The following DNAJC10 variants were observed in gnomAD, a reference collection of about 807,000 sequenced individuals.
DNAJC10 encodes DnaJ heat shock protein family (Hsp40) member C10, also known as endoplasmic reticulum disulfide reductase DNAJC10.
A neutral mutation model predicts 115.0 loss-of-function variants in DNAJC10; 101 were observed. That is an observed-to-expected ratio of 0.88 (90% confidence interval 0.75 to 1.04). DNAJC10 has a LOEUF of 1.04. Among genes scored for constraint, DNAJC10 ranks in the 50% least tolerant of loss-of-function variants. The pLI, the probability that DNAJC10 is intolerant of heterozygous loss-of-function variation, is 0.00. For missense variants in DNAJC10, 981 were observed against 928.8 expected (o/e 1.06, Z -0.73); for synonymous variants, 307 against 301.5 (o/e 1.02, Z -0.19).
chr2:182,750,462 A>T (rs573027295), intron 14 of DNAJC10, among the ~76,000 whole-genome samples: 1 of 152,320 alleles, frequency 6.6e-6, no homozygotes, highest in African/African-American at 2.4e-5. Context: ...TTGCCAAGAT[A>T]AGGTTGGTGA....
chr2:182,762,458 G>A (rs968267535), intron 21 of DNAJC10, among the ~76,000 whole-genome samples: 1 of 152,132 alleles, frequency 6.6e-6, no homozygotes, highest in Non-Finnish European at 1.5e-5. Flanking sequence ...AAGCTGCTCA[G>A]TTTTCTTGAT....
At chr2:182,748,085 T>G (rs1307908227) in intron 14 of DNAJC10, among the ~76,000 whole-genome samples, 2 of 146,164 alleles carry the variant, frequency 1.4e-5, no homozygotes, top group African/African-American at 2.6e-5. Context: ...GAAGCCCACT[T>G]GATCATGGTG....
intron 22 of DNAJC10, among the ~76,000 whole-genome samples, chr2:182,767,714 A>G (rs186390451): frequency 1.5e-3 from 221 of 152,296 alleles, no homozygotes; most frequent in Non-Finnish European, 2.3e-3. Context: ...CCCCAGCATC[A>G]TCCGTCCACC....
rs759336078 is a variant in DNAJC10 at position 182,731,110 on chromosome 2, A to G, written c.805+3A>G. 6 of 1,605,562 alleles carry G rather than the reference A, an allele frequency of 3.7e-6. No homozygotes were observed. The Admixed American group carries it at 8.5e-5, about 23-fold the overall frequency. ...CACTTTTTGTTCAAAAGGAGGAGGTAATACTATTTTTTAATTTTGTTGGAA... is the reference window on the plus strand; with the variant it reads ...CACTTTTTGTTCAAAAGGAGGAGGTGATACTATTTTTTAATTTTGTTGGAA... On this transcript the variant is annotated splice_donor_region_variant and intron_variant, in intron 9 of 23. Coordinates refer to ENST00000264065, the MANE Select transcript of DNAJC10 (RefSeq NM_018981.4).
rs1183117386 is a variant in DNAJC10 at position 182,736,313 on chromosome 2, A to C, written c.914A>C (p.Asp305Ala). The C allele has an allele frequency of 1.9e-6, 3 of 1,596,528 alleles. No individual in the cohort carries two copies. The highest frequency in any genetic ancestry group is 2.3e-5 in the East Asian group (1 of 43,332). ...CAGGATAACCTTTGTAAAAGCTTAGATATTACAACAAGTACTACTGCTTAT... is the reference window on the plus strand; with the variant it reads ...CAGGATAACCTTTGTAAAAGCTTAGCTATTACAACAAGTACTACTGCTTAT... The part of the protein sequence containing the change: ...ATQDNLCKSL[D>A]ITTSTTAYFP... Residue 305 changes from aspartate (D) to alanine (A), a missense_variant, in exon 11 of 24, where the codon GAT becomes GCT. Asp to Ala is a moderately radical substitution (Grantham distance 126). Transcript: ENST00000264065.
Position 182,779,396 on chromosome 2 carries a change from G to T in DNAJC10, c.*2264G>T, listed in dbSNP as rs1020593344. On this transcript the variant is annotated 3_prime_UTR_variant, in exon 24 of 24. Coordinates refer to ENST00000264065, the MANE Select transcript of DNAJC10 (RefSeq NM_018981.4). ...CTCTAACATGGTATCAATTCTAGCTGACCAAAGCACATTCTATCAGGCAGC... is the reference window on the plus strand; with the variant it reads ...CTCTAACATGGTATCAATTCTAGCTTACCAAAGCACATTCTATCAGGCAGC... 2 of 152,140 alleles carry T rather than the reference G, an allele frequency of 1.3e-5. No homozygotes were observed. The highest frequency in any genetic ancestry group is 4.8e-5 in the African/African-American group (2 of 41,440). 9.4% of individuals were successfully genotyped at this position (152,140 alleles called of 1,614,324 possible).
Position 182,794,291 on chromosome 2 carries a change from AATAG to A in DNAJC10, c.*17162_*17165del, listed in dbSNP as rs2105734418. On this transcript the variant is annotated 3_prime_UTR_variant, in exon 24 of 24. Transcript: ENST00000264065. ...AGAAAAATTTGAGTACATAGGAAAC[AATAG>A]ATGAAGGATAGAAATAATCCATTCA... 1 of 152,300 alleles carries A rather than the reference AATAG, an allele frequency of 6.6e-6. No homozygotes were observed. The highest frequency in any genetic ancestry group is 2.4e-5 in the African/African-American group (1 of 41,582). The allele number at this position is 152,300 out of a possible 1,614,324, so 9.4% of individuals were successfully genotyped here. A position where few individuals can be genotyped will look rare whatever the true frequency, so the allele number is the denominator to read the frequency against.
rs1431740604 is a variant in DNAJC10, at chr2:182,787,333, T to C, written c.*10201T>C. The C allele has an allele frequency of 6.6e-6, 1 of 152,258 alleles. No homozygotes were observed. The highest frequency in any genetic ancestry group is 1.5e-5 in the Non-Finnish European group (1 of 68,074). 9.4% of individuals were successfully genotyped at this position (152,258 alleles called of 1,614,324 possible). On this transcript the variant is annotated 3_prime_UTR_variant, in exon 24 of 24. Transcript: ENST00000264065. Reference sequence around the variant, plus strand: ...CTGCTGCTTTAAGGTTCTGGAATTATGGAAGAAAATAGGGTGGGCCTACTG... The same window carrying C: ...CTGCTGCTTTAAGGTTCTGGAATTACGGAAGAAAATAGGGTGGGCCTACTG...
chr2:182,718,243 C>G lies in DNAJC10; in HGVS notation c.157C>G (p.Gln53Glu). The G allele has an allele frequency of 6.2e-7, 1 of 1,611,908 alleles. No homozygotes were observed. Among genetic ancestry groups the G allele is most frequent in the Non-Finnish European group, 8.5e-7 (1 of 1,179,370 alleles). Reference protein sequence around the residue: ...SKTASSREIRQAFKKLALKLH... With the variant: ...SKTASSREIREAFKKLALKLH... ...AACTGCAAGCAGTAGAGAAATAAGA[C>G]AAGCTTTCAAGAAATTGGCATTGAA... Residue 53 changes from glutamine (Q) to glutamate (E), a missense_variant, in exon 3 of 24, where the codon CAA (glutamine) becomes GAA (glutamate). Coordinates refer to ENST00000264065, the MANE Select transcript of DNAJC10 (RefSeq NM_018981.4).
chr2:182,765,989 C>T (rs916398789), intron 22 of DNAJC10, among the ~76,000 whole-genome samples: 6 of 151,996 alleles, frequency 3.9e-5, no homozygotes, highest in Admixed American at 1.3e-4. Context: ...TAAGTGTACA[C>T]GGTAACGTGG....
At chr2:182,736,523 A>G (rs1025808647) in intron 11 of DNAJC10, 137 bp downstream of exon 11, 2 of 496,152 alleles carry the variant, frequency 4.0e-6, no homozygotes, top group Admixed American at 4.4e-5. Context: ...TTTAGAACAC[A>G]TACTTAATTT....
chr2:182,737,914 A>T (rs1244671096), intron 11 of DNAJC10, among the ~76,000 whole-genome samples: 1 of 152,218 alleles, frequency 6.6e-6, no homozygotes, highest in East Asian at 1.9e-4. Context: ...TACACATCAA[A>T]TGGATGGATG....
intron 23 of DNAJC10, among the ~76,000 whole-genome samples, chr2:182,776,722 G>T (rs1335534004): frequency 1.3e-5 from 2 of 152,140 alleles, no homozygotes; most frequent in Admixed American, 1.3e-4. Context: ...TGGTTCCACT[G>T]AACAAACATG....
intron 5 of DNAJC10, 29 bp downstream of exon 5, chr2:182,722,104 A>C: frequency 6.8e-7 from 1 of 1,468,700 alleles, no homozygotes; most frequent in Non-Finnish European, 9.3e-7. Flanking sequence ...GGTTTTATAA[A>C]ACTAATACAA....
chr2:182,727,609 G>C (rs1362920921), intron 5 of DNAJC10, among the ~76,000 whole-genome samples: 2 of 151,986 alleles, frequency 1.3e-5, no homozygotes, highest in East Asian at 3.8e-4. Context: ...CCACAGGTCT[G>C]TCTTATACTT....
rs1345204841 is a variant in DNAJC10 at position 182,790,157 on chromosome 2, A to G, written c.*13025A>G. 1 of 152,196 alleles carries G rather than the reference A, an allele frequency of 6.6e-6. No homozygotes were observed. The highest frequency in any genetic ancestry group is 2.4e-5 in the African/African-American group (1 of 41,448). 9.4% of individuals were successfully genotyped at this position (152,196 alleles called of 1,614,324 possible). ...CTCATTGTCTACCACAAAACTAAGT[A>G]TTTGTTTATAAGAAAAAGCTTTATT... On this transcript the variant is annotated 3_prime_UTR_variant, in exon 24 of 24. Coordinates refer to ENST00000264065, the MANE Select transcript of DNAJC10 (RefSeq NM_018981.4).
At chr2:182,717,454 T>C (rs1171893028) in intron 2 of DNAJC10, among the ~76,000 whole-genome samples, 1 of 151,704 alleles carries the variant, frequency 6.6e-6, no homozygotes, top group Non-Finnish European at 1.5e-5. Flanking sequence ...TATATTTCAC[T>C]GTCATTTCTG....
intron 11 of DNAJC10, among the ~76,000 whole-genome samples, chr2:182,736,871 T>A (rs1055638699): frequency 1.3e-5 from 2 of 152,172 alleles, no homozygotes; most frequent in Non-Finnish European, 2.9e-5. Context: ...TGCCTCAGCC[T>A]CCTGAGTACC....
At chr2:182,749,840 G>T (rs188415830) in intron 14 of DNAJC10, among the ~76,000 whole-genome samples, 1 of 152,240 alleles carries the variant, frequency 6.6e-6, no homozygotes, top group East Asian at 1.9e-4. Flanking sequence ...ATTTAGCTGG[G>T]TAGTTCCAGA....
Sources: allele counts gnomAD v4.1 joint callset (sites outside exome capture counted in the v4.1 genomes callset), GRCh38; gene constraint gnomAD v4.1.1; transcripts MANE v1.5; gene names NCBI Gene and HGNC (gene_info 2026-07-23, HGNC 2026-07-21).